Variants in CPEB1 observed in about 807,000 individuals in gnomAD.
The protein encoded by CPEB1 is cytoplasmic polyadenylation element binding protein 1, also known as cytoplasmic polyadenylation element-binding protein 1.
A neutral mutation model predicts 65.8 loss-of-function variants in CPEB1; 7 were observed. The ratio of observed to expected loss-of-function variants is 0.11; its 90% confidence interval spans 0.06 to 0.20. CPEB1 has a LOEUF of 0.20. Ranked by LOEUF, CPEB1 falls within the 10% of genes least tolerant of loss-of-function variation. The pLI is 1.00. For missense variants in CPEB1, 551 were observed against 712.2 expected, an observed-to-expected ratio of 0.77 and a Z score of 2.58; for synonymous variants, 262 against 260.0, an observed-to-expected ratio of 1.01 and a Z score of -0.08.
At chr15:82,553,138 G>T (rs1009483749) in intron 8 of CPEB1, among the ~76,000 whole-genome samples, 1 of 152,216 alleles carries the variant, frequency 6.6e-6, no homozygotes, top group African/African-American at 2.4e-5. Context: ...GGCAGGACAG[G>T]CAGGCAAGGG....
At chr15:82,563,097 C>T (rs1214749324) in intron 4 of CPEB1, among the ~76,000 whole-genome samples, 2 of 152,082 alleles carry the variant, frequency 1.3e-5, no homozygotes, top group Non-Finnish European at 2.9e-5. Context: ...AAAGTGATGG[C>T]TAGAACAAGC....
chr15:82,604,374 C>A lies in CPEB1; in HGVS notation c.271+22819G>T, dbSNP rs574721693. Among the ~76,000 whole-genome samples, 3 of 150,654 alleles carry A rather than the reference C, an allele frequency of 2.0e-5. No homozygotes were observed. The South Asian group carries it at 6.2e-4, about 31-fold the overall frequency. ...GTGGGCACCTGTAGTCCCAGCTACT[C>A]AGGAGGCTGATGCAGGAGAATGGTG... On this transcript the variant is annotated intron_variant, in intron 3 of 12. Coordinates refer to ENST00000684509, the MANE Select transcript of CPEB1 (RefSeq NM_001365242.1).
intron 3 of CPEB1, among the ~76,000 whole-genome samples, chr15:82,605,336 G>C (rs1259133968): frequency 6.6e-6 from 1 of 152,092 alleles, no homozygotes; most frequent in Non-Finnish European, 1.5e-5. Context: ...AAATATAATA[G>C]AGAGTATATT....
At chr15:82,628,055 T>C in intron 2 of CPEB1, 9 of 614,138 alleles carry the variant, frequency 1.5e-5, no homozygotes, top group South Asian at 1.4e-4. Context: ...TCATTACACA[T>C]GCTACTCTAC....
chr15:82,618,783 C>CT (rs1180307539), intron 3 of CPEB1, among the ~76,000 whole-genome samples: 1 of 152,178 alleles, frequency 6.6e-6, no homozygotes, highest in Non-Finnish European at 1.5e-5. Flanking sequence ...TGCAAGACAT[C>CT]TACAAACACT....
chr15:82,643,414 G>A (rs920918066), intron 1 of CPEB1, among the ~76,000 whole-genome samples: 1 of 152,050 alleles, frequency 6.6e-6, no homozygotes, highest in Non-Finnish European at 1.5e-5. Flanking sequence ...GACAGATCAC[G>A]AGGTCAGGAG....
intron 3 of CPEB1, among the ~76,000 whole-genome samples, chr15:82,613,029 C>T (rs1457058035): frequency 2.0e-5 from 3 of 150,660 alleles, no homozygotes; most frequent in African/African-American, 7.3e-5. Flanking sequence ...TCAAGAACAG[C>T]GAGGAAAAAA....
At chr15:82,586,904 A>C (rs2151126482) in intron 3 of CPEB1, among the ~76,000 whole-genome samples, 1 of 152,328 alleles carries the variant, frequency 6.6e-6, no homozygotes, top group East Asian at 1.9e-4. Flanking sequence ...ATTTTCCCCA[A>C]GGGATTTTAT....
At chr15:82,601,263 G>C (rs941358735) in intron 3 of CPEB1, among the ~76,000 whole-genome samples, 2 of 150,688 alleles carry the variant, frequency 1.3e-5, no homozygotes, top group African/African-American at 4.9e-5. Context: ...TTTTTACACT[G>C]GGCACGGTGG....
At chr15:82,579,499 AG>A (rs71156036) in intron 3 of CPEB1, among the ~76,000 whole-genome samples, 61,372 of 152,022 alleles carry the variant, frequency 0.4, 12,431 homozygotes, top group South Asian at 0.49. Context: ...TATAACATTT[AG>A]ATTGCCTTAA....
Position 82,557,831 on chromosome 15 carries a change from G to T in CPEB1, c.616C>A (p.Arg206=). 1 of 1,614,182 alleles carries T rather than the reference G, an allele frequency of 6.2e-7. No homozygotes were observed. Among genetic ancestry groups the T allele is most frequent in the Non-Finnish European group, 8.5e-7 (1 of 1,180,038 alleles). The part of the protein sequence containing the change: ...RLDTRPILDS[R]SSSPSDSDTS... ...TCTGAGTCAGAGGGGCTGCTAGATC[G>T]AGAGTCCAGGATGGGCCGGGTGTCC... The change falls in exon 5 of 13, where the codon CGA becomes AGA. Residue 206 remains arginine, a synonymous_variant. Coordinates refer to ENST00000684509, the MANE Select transcript of CPEB1 (RefSeq NM_001365242.1).
At chr15:82,608,390 T>A (rs975028964) in intron 3 of CPEB1, among the ~76,000 whole-genome samples, 9 of 152,118 alleles carry the variant, frequency 5.9e-5, no homozygotes, top group Non-Finnish European at 1.2e-4. Context: ...ATGTAAAAGG[T>A]CAAGTAATGA....
chr15:82,553,749 C>T, intron 7 of CPEB1, 129 bp downstream of exon 7: 4 of 776,072 alleles, frequency 5.2e-6, no homozygotes, highest in Non-Finnish European at 8.9e-6. Context: ...CACCTCTCCC[C>T]TCAGACACTC....
intron 3 of CPEB1, among the ~76,000 whole-genome samples, chr15:82,604,146 C>G (rs536510846): frequency 2.0e-5 from 3 of 152,172 alleles, no homozygotes; most frequent in African/African-American, 4.8e-5. Flanking sequence ...GCCAGGAGTT[C>G]AAGCCAAGCC....
chr15:82,575,271 A>G (rs1053253390), intron 3 of CPEB1, among the ~76,000 whole-genome samples: 1 of 152,218 alleles, frequency 6.6e-6, no homozygotes, highest in Non-Finnish European at 1.5e-5. Flanking sequence ...CCATATGGGG[A>G]GGAGGGAATA....
At chr15:82,568,076 T>C (rs2039441824) in intron 4 of CPEB1, among the ~76,000 whole-genome samples, 2 of 152,132 alleles carry the variant, frequency 1.3e-5, no homozygotes, top group Non-Finnish European at 2.9e-5. Flanking sequence ...AGAGTTCTGC[T>C]AACAGGACCA....
At chr15:82,547,894 AACT>A (rs763371120) in intron 10 of CPEB1, among the ~76,000 whole-genome samples, 73 of 151,886 alleles carry the variant, frequency 4.8e-4, no homozygotes, top group Non-Finnish European at 9.4e-4. Flanking sequence ...GCTGGTCTTG[AACT>A]CCTGGACTCA....
chr15:82,622,908 C>G lies in CPEB1; in HGVS notation c.271+4285G>C, dbSNP rs371207680. ...GACGGAATCACTTCAAATGCTACCC[C>G]CCTCCTTATGTGATCCTCTTTATAA... On this transcript the variant is annotated intron_variant, in intron 3 of 12. Transcript: ENST00000684509. 1.7e-3 allele frequency among the ~76,000 whole-genome samples: 252 copies of G among 152,310 alleles called. 1 individual carries two copies. The highest frequency in any genetic ancestry group is 5.8e-3 in the African/African-American group (240 of 41,568).
chr15:82,590,474 AT>A (rs2042159076), intron 3 of CPEB1, among the ~76,000 whole-genome samples: 1 of 152,198 alleles, frequency 6.6e-6, no homozygotes, highest in Non-Finnish European at 1.5e-5. Flanking sequence ...TGGTATGGCT[AT>A]AGACAGAAAC....
Sources: gnomAD v4.1 joint callset for allele counts (sites outside exome capture counted in the v4.1 genomes callset) on GRCh38, gnomAD v4.1.1 for gene constraint, MANE v1.5 for transcripts, NCBI Gene and HGNC (gene_info 2026-07-23, HGNC 2026-07-21) for gene names.